COL23A1: variants seen among roughly 807,000 people sequenced by gnomAD.
COL23A1 encodes collagen alpha-1(XXIII) chain.
COL23A1 carries 97 observed loss-of-function variants against 99.3 expected under a neutral mutation model. The ratio of observed to expected loss-of-function variants is 0.98; its 90% CI spans 0.83 to 1.16. The LOEUF is 1.16. Among genes scored for constraint, COL23A1 ranks in the 50% most tolerant of loss-of-function variants. The pLI is 0.00. For synonymous variants in COL23A1, 320 were observed against 308.2 expected (o/e 1.04, Z -0.40); for missense variants, 762 against 757.4 (o/e 1.01, Z -0.07).
At chr5:178,268,471 C>T (rs1437813703) in intron 7 of COL23A1, among the ~76,000 whole-genome samples, 3 of 152,194 alleles carry the variant, frequency 2.0e-5, no homozygotes, top group Admixed American at 6.5e-5. Flanking sequence ...TCTGGGAACA[C>T]CGGGCCTCCG....
chr5:178,249,714 A>ACACACACACACACT (rs1285035339), intron 18 of COL23A1, among the ~76,000 whole-genome samples: 74 of 116,244 alleles, frequency 6.4e-4, no homozygotes, highest in African/African-American at 9.6e-4. Context: ...ACACACACAC[A>ACACACACACACACT]CACTCTCTCT....
intron 2 of COL23A1, among the ~76,000 whole-genome samples, chr5:178,549,976 A>G (rs747797559): frequency 5.1e-4 from 78 of 152,228 alleles, no homozygotes; most frequent in Non-Finnish European, 1.0e-3. Flanking sequence ...AATGAAAATT[A>G]AAATTATTTT....
intron 2 of COL23A1, among the ~76,000 whole-genome samples, chr5:178,373,890 G>A (rs1259780302): frequency 6.6e-6 from 1 of 152,208 alleles, no homozygotes; most frequent in Non-Finnish European, 1.5e-5. Flanking sequence ...AGGGCAGTCA[G>A]AGCTCGCTTT....
At chr5:178,370,672 A>C (rs1043178544) in intron 2 of COL23A1, among the ~76,000 whole-genome samples, 2 of 152,344 alleles carry the variant, frequency 1.3e-5, no homozygotes, top group Admixed American at 6.5e-5. Flanking sequence ...CAGCCTGGGT[A>C]ACACGGTGAG....
chr5:178,344,622 G>A (rs900895139), intron 2 of COL23A1, among the ~76,000 whole-genome samples: 10 of 151,652 alleles, frequency 6.6e-5, no homozygotes, highest in South Asian at 2.1e-4. Context: ...CAGCCTGGGC[G>A]ACAGAGCGAG....
intron 2 of COL23A1, among the ~76,000 whole-genome samples, chr5:178,455,401 G>A (rs1767724415): frequency 6.6e-6 from 1 of 152,176 alleles, no homozygotes; most frequent in African/African-American, 2.4e-5. Context: ...GACACAGCAG[G>A]GTGGAACCCC....
chr5:178,440,616 C>CTTTT lies in COL23A1; in HGVS notation c.361+120062_361+120065dup, dbSNP rs746471784. ...TCATGAGATGACTGTTTTCATCTTTCTTTTTTTTTTTTTTCTGAGATGGAG... is the reference window on the plus strand; with the variant it reads ...TCATGAGATGACTGTTTTCATCTTTCTTTTTTTTTTTTTTTTTTCTGAGATGGAG... On this transcript the variant is annotated intron_variant, in intron 2 of 28. Coordinates refer to ENST00000390654, the MANE Select transcript of COL23A1 (RefSeq NM_173465.4). Among the ~76,000 whole-genome samples the CTTTT allele has an allele frequency of 4.2e-4, 60 of 142,076 alleles. 5 individuals are homozygous for CTTTT. Among genetic ancestry groups the CTTTT allele is most frequent in the African/African-American group, 1.3e-3 (51 of 38,388 alleles). The allele number at this position is 142,076 out of a possible 152,430, so 93.2% of individuals were successfully genotyped here. A position where few individuals can be genotyped will look rare whatever the true frequency, so the allele number is the denominator to read the frequency against.
At chr5:178,529,419 T>C (rs535642958) in intron 2 of COL23A1, among the ~76,000 whole-genome samples, 21 of 152,198 alleles carry the variant, frequency 1.4e-4, no homozygotes, top group Admixed American at 3.3e-4. Context: ...AGACGCCTGG[T>C]TTCTTGGGGC....
At chr5:178,251,204 G>T (rs1295437733) in intron 17 of COL23A1, among the ~76,000 whole-genome samples, 1 of 151,966 alleles carries the variant, frequency 6.6e-6, no homozygotes, top group African/African-American at 2.4e-5. Flanking sequence ...TGTATTTTTA[G>T]TAGAGACAGT....
rs138641650 is a variant in COL23A1 at position 178,573,654 on chromosome 5, G to A, written c.295-12906C>T. On this transcript the variant is annotated intron_variant, in intron 1 of 28. Coordinates refer to ENST00000390654, the MANE Select transcript of COL23A1 (RefSeq NM_173465.4). ...ATTATTTTTGTAGAAAATATTCACA[G>A]CAGTTTTATTAATAATAACCCAATA... Among the ~76,000 whole-genome samples, 455 of 152,218 alleles carry A rather than the reference G, an allele frequency of 3.0e-3. 4 individuals carry two copies. Among genetic ancestry groups the A allele is most frequent in the African/African-American group, 0.011 (441 of 41,528 alleles).
intron 22 of COL23A1, among the ~76,000 whole-genome samples, chr5:178,246,849 G>GT (rs1013856674): frequency 6.6e-6 from 1 of 152,206 alleles, no homozygotes; most frequent in African/African-American, 2.4e-5. Context: ...AACATGAACT[G>GT]TGGTGGCCTT....
chr5:178,256,000 A>G lies in COL23A1; in HGVS notation c.882+353T>C. 4.2e-6 allele frequency: 1 copy of G among 239,978 alleles called. No individual in the cohort carries two copies. Among genetic ancestry groups the G allele is most frequent in the Non-Finnish European group, 8.5e-6 (1 of 117,000 alleles). 14.9% of individuals were successfully genotyped at this position (239,978 alleles called of 1,614,324 possible). ...CTCCCTGTGGGGTGGGGAAAAGGCA[A>G]GGCCTGGCCCACTGTGGCAGGATCA... is the stretch of plus-strand genomic sequence containing the variant. On this transcript the variant is annotated intron_variant, in intron 15 of 28. Transcript: ENST00000390654. This position sits in a 1 kb window ranked among gnomAD's most constrained non-coding sequence, Gnocchi z 4.2.
chr5:178,312,021 G>A (rs542313791), intron 2 of COL23A1, among the ~76,000 whole-genome samples: 3 of 152,128 alleles, frequency 2.0e-5, no homozygotes, highest in South Asian at 2.1e-4. Context: ...GTGGGCTACC[G>A]CGCCCGGCCT....
intron 6 of COL23A1, 32 bp from the exon 7 acceptor site, chr5:178,268,788 T>C: frequency 6.3e-7 from 1 of 1,591,752 alleles, no homozygotes; most frequent in Non-Finnish European, 8.6e-7. Flanking sequence ...AGAACAGACC[T>C]GAGTGAGGGG....
chr5:178,558,693 A>G (rs1279321581), intron 2 of COL23A1, among the ~76,000 whole-genome samples: 1 of 152,148 alleles, frequency 6.6e-6, no homozygotes, highest in East Asian at 1.9e-4. Context: ...GAAAGAGGGG[A>G]GCGAAAAAGA....
intron 2 of COL23A1, among the ~76,000 whole-genome samples, chr5:178,319,011 T>C (rs1270151786): frequency 6.6e-6 from 1 of 151,990 alleles, no homozygotes; most frequent in African/African-American, 2.4e-5. Context: ...AAGAAGCATG[T>C]TGCCAACGCT....
At chr5:178,398,919 C>G (rs986285891) in intron 2 of COL23A1, among the ~76,000 whole-genome samples, 1 of 152,238 alleles carries the variant, frequency 6.6e-6, no homozygotes, top group Non-Finnish European at 1.5e-5. Context: ...CTGGCACTGA[C>G]GAGCTGCCCC....
intron 2 of COL23A1, among the ~76,000 whole-genome samples, chr5:178,407,211 C>T (rs1764811968): frequency 6.6e-6 from 1 of 152,182 alleles, no homozygotes; most frequent in South Asian, 2.1e-4. Context: ...AGGTGGAACT[C>T]TCATCCCTTC....
intron 2 of COL23A1, among the ~76,000 whole-genome samples, chr5:178,367,500 C>G (rs937951991): frequency 6.6e-6 from 1 of 152,166 alleles, no homozygotes; most frequent in Non-Finnish European, 1.5e-5. Context: ...CTGGGGCTTC[C>G]CTTGGTGGCT....
Sources: allele counts gnomAD v4.1 joint callset (sites outside exome capture counted in the v4.1 genomes callset), GRCh38; gene constraint gnomAD v4.1.1; non-coding constraint Gnocchi (gnomAD v3.1); transcripts MANE v1.5; gene names NCBI Gene and HGNC (gene_info 2026-07-23, HGNC 2026-07-21).